ANKS1B: variants seen among roughly 807,000 people sequenced by gnomAD.
ANKS1B encodes ankyrin repeat and sterile alpha motif domain-containing protein 1B.
In ANKS1B, 36 loss-of-function variants were observed where a neutral mutation model predicts 148.3. The ratio of observed to expected loss-of-function variants is 0.24; its 90% CI spans 0.19 to 0.32. The LOEUF is 0.32. ANKS1B is among the 10% of genes least tolerant of loss of function. The probability of loss-of-function intolerance (pLI) is 1.00; values close to 1 mark genes in which losing one functional copy is unlikely to be tolerated. For missense variants in ANKS1B, 1,157 were observed against 1,542.6 expected, an observed-to-expected ratio of 0.75 and a Z score of 4.19; for synonymous variants, 542 against 560.8, an observed-to-expected ratio of 0.97 and a Z score of 0.47.
chr12:99,385,702 A>G (rs1163169795), intron 12 of ANKS1B, among the ~76,000 whole-genome samples: 1 of 152,214 alleles, frequency 6.6e-6, no homozygotes, highest in Non-Finnish European at 1.5e-5. Flanking sequence ...AATCATAACT[A>G]ATAATAGAAA....
At chr12:99,684,737 G>T (rs188141149) in intron 8 of ANKS1B, among the ~76,000 whole-genome samples, 1 of 152,084 alleles carries the variant, frequency 6.6e-6, no homozygotes, top group Admixed American at 6.6e-5. Context: ...AGGCACACAG[G>T]CCAATGGAAC....
intron 8 of ANKS1B, among the ~76,000 whole-genome samples, chr12:99,670,640 A>C (rs1387539223): frequency 6.6e-6 from 1 of 152,176 alleles, no homozygotes; most frequent in South Asian, 2.1e-4. Flanking sequence ...CTAGACAGTA[A>C]AACTAGACCA....
intron 8 of ANKS1B, among the ~76,000 whole-genome samples, chr12:99,733,195 C>T (rs1396793826): frequency 2.0e-5 from 3 of 152,166 alleles, no homozygotes; most frequent in Non-Finnish European, 4.4e-5. Flanking sequence ...GGAATATGAG[C>T]ATGCAGGATA....
At chr12:99,463,894 C>G (rs1010177661) in intron 10 of ANKS1B, among the ~76,000 whole-genome samples, 1 of 152,218 alleles carries the variant, frequency 6.6e-6, no homozygotes, top group African/African-American at 2.4e-5. Flanking sequence ...GCAGTAACCT[C>G]TGCAGACTTA....
intron 12 of ANKS1B, among the ~76,000 whole-genome samples, chr12:99,358,498 C>A (rs1457753321): frequency 6.6e-6 from 1 of 152,046 alleles, no homozygotes; most frequent in Non-Finnish European, 1.5e-5. Flanking sequence ...CTGGTATCTA[C>A]AATTTTCCAA....
At chr12:99,313,382 A>G (rs538716960) in intron 12 of ANKS1B, among the ~76,000 whole-genome samples, 1 of 152,298 alleles carries the variant, frequency 6.6e-6, no homozygotes, top group East Asian at 1.9e-4. Flanking sequence ...ATTCCAAACA[A>G]CTGAAAAGGA....
At chr12:99,836,330 C>CA (rs1443441829) in intron 1 of ANKS1B, among the ~76,000 whole-genome samples, 3 of 151,496 alleles carry the variant, frequency 2.0e-5, no homozygotes, top group African/African-American at 7.3e-5. Context: ...GCCTTTGGAG[C>CA]AAAAATAAAT....
At chr12:99,147,657 T>C (rs1380720259) in intron 15 of ANKS1B, among the ~76,000 whole-genome samples, 1 of 152,064 alleles carries the variant, frequency 6.6e-6, no homozygotes, top group Admixed American at 6.6e-5. Flanking sequence ...ATTGAGTAGC[T>C]GGACAGCACT....
At chr12:99,216,070 G>C (rs2084124028) in intron 14 of ANKS1B, among the ~76,000 whole-genome samples, 1 of 152,162 alleles carries the variant, frequency 6.6e-6, no homozygotes. Flanking sequence ...TCTCATGATA[G>C]TGAATAAGTC....
chr12:99,770,480 AC>A (rs901542296), intron 8 of ANKS1B, among the ~76,000 whole-genome samples: 5 of 152,296 alleles, frequency 3.3e-5, no homozygotes, highest in Admixed American at 1.3e-4. Context: ...TGGAAAAAAA[AC>A]TTTTTTGATG....
At chr12:99,514,075 A>G (rs911927467) in intron 9 of ANKS1B, among the ~76,000 whole-genome samples, 4 of 152,096 alleles carry the variant, frequency 2.6e-5, no homozygotes, top group African/African-American at 9.7e-5. Flanking sequence ...TTAACAAGAT[A>G]GGAAAGAAGA....
At chr12:99,143,936 T>A (rs921461168) in intron 15 of ANKS1B, among the ~76,000 whole-genome samples, 1 of 152,060 alleles carries the variant, frequency 6.6e-6, no homozygotes, top group East Asian at 1.9e-4. Flanking sequence ...CTTTTCCCTA[T>A]GGACTCAGAT....
intron 8 of ANKS1B, among the ~76,000 whole-genome samples, chr12:99,663,990 T>A (rs2098491977): frequency 6.6e-6 from 1 of 152,150 alleles, no homozygotes; most frequent in African/African-American, 2.4e-5. Context: ...GTTTTTATTA[T>A]CTCTCAAAAC....
At chr12:98,966,408 G>A (rs1056511387) in intron 17 of ANKS1B, among the ~76,000 whole-genome samples, 18 of 152,190 alleles carry the variant, frequency 1.2e-4, no homozygotes, top group African/African-American at 3.9e-4. Context: ...AACAGGTGCC[G>A]GAGAGGCTGT....
At chr12:99,212,052 G>C (rs2083414445) in intron 14 of ANKS1B, among the ~76,000 whole-genome samples, 1 of 152,230 alleles carries the variant, frequency 6.6e-6, no homozygotes, top group Middle Eastern at 3.4e-3. Context: ...CAAGCAAACA[G>C]AAAAGGAAAA....
intron 9 of ANKS1B, among the ~76,000 whole-genome samples, chr12:99,617,947 CT>C (rs1343641972): frequency 6.6e-6 from 1 of 152,136 alleles, no homozygotes. Context: ...CCAATAGCCT[CT>C]CTTTTGAATT....
chr12:99,143,494 G>A (rs1201304904), intron 15 of ANKS1B, among the ~76,000 whole-genome samples: 1 of 152,048 alleles, frequency 6.6e-6, no homozygotes, highest in Non-Finnish European at 1.5e-5. Context: ...TTGTTTCTGT[G>A]TCTTTGTAGC....
Position 98,794,615 on chromosome 12 carries a change from T to A in ANKS1B, c.3342+4319A>T, listed in dbSNP as rs776548641. 298 of 810,230 alleles carry A rather than the reference T, an allele frequency of 3.7e-4. 1 individual carries two copies. Among genetic ancestry groups the A allele is most frequent in the Non-Finnish European group, 5.5e-4 (256 of 461,470 alleles). The allele number at this position is 810,230 out of a possible 1,614,324, so 50.2% of individuals were successfully genotyped here. ...TGTCATTAAAAACTTTAAAAAGAAG[T>A]GCGATCCTCACAAAGTTAGGTGGAC... On this transcript the variant is annotated intron_variant, in intron 22 of 26. Coordinates refer to ENST00000683438, the MANE Select transcript of ANKS1B (RefSeq NM_001352186.2).
At chr12:99,560,449 A>T (rs1223898457) in intron 9 of ANKS1B, among the ~76,000 whole-genome samples, 1 of 151,954 alleles carries the variant, frequency 6.6e-6, no homozygotes, top group African/African-American at 2.4e-5. Context: ...ATCCGTATCC[A>T]TTTCTTTCTC....
Sources: gnomAD v4.1 joint callset for allele counts (sites outside exome capture counted in the v4.1 genomes callset) on GRCh38, gnomAD v4.1.1 for gene constraint, MANE v1.5 for transcripts, NCBI Gene and HGNC (gene_info 2026-07-23, HGNC 2026-07-21) for gene names.